CPQ: variants seen among roughly 807,000 people sequenced by gnomAD.
The protein encoded by CPQ is carboxypeptidase Q.
Under a neutral mutation model 45.7 loss-of-function variants are expected in CPQ, and 37 were observed. The ratio of observed to expected loss-of-function variants is 0.81; its 90% CI spans 0.62 to 1.07. The LOEUF is 1.07. Among genes scored for constraint, CPQ ranks in the 50% least tolerant of loss-of-function variants. The probability of loss-of-function intolerance (pLI) is 0.00; values close to 1 mark genes in which losing one functional copy is unlikely to be tolerated. For synonymous variants in CPQ, 186 were observed against 205.8 expected, an observed-to-expected ratio of 0.90 and a Z score of 0.82; for missense variants, 537 against 572.9, an observed-to-expected ratio of 0.94 and a Z score of 0.64.
At chr8:96,854,623 C>A (rs1811822020) in intron 3 of CPQ, among the ~76,000 whole-genome samples, 1 of 148,828 alleles carries the variant, frequency 6.7e-6, no homozygotes, top group Non-Finnish European at 1.5e-5. Flanking sequence ...TATATTCATC[C>A]AATAGGGTGT....
intron 7 of CPQ, among the ~76,000 whole-genome samples, chr8:97,093,900 C>T (rs1811168547): frequency 6.6e-6 from 1 of 152,086 alleles, no homozygotes; most frequent in Non-Finnish European, 1.5e-5. Context: ...AATGGAAATA[C>T]TAAAATCTGT....
intron 1 of CPQ, among the ~76,000 whole-genome samples, chr8:96,749,072 T>C (rs1171885318): frequency 6.6e-6 from 1 of 152,212 alleles, no homozygotes. Flanking sequence ...ATTATAATAA[T>C]AATGATTATT....
rs1301329660 is a variant in CPQ at position 97,066,431 on chromosome 8, A to C, written c.1255+221A>C. Among the ~76,000 whole-genome samples the C allele has an allele frequency of 2.0e-5, 3 of 152,110 alleles. No homozygotes were observed. The East Asian group carries it at 5.8e-4, about 29-fold the overall frequency. ...ATCCCTCCACTCTTTCTAAATTATA[A>C]GCTCCTCACTCCCAGAGATTCTGAT... On this transcript the variant is annotated intron_variant, in intron 7 of 7. Transcript: ENST00000220763.
chr8:96,827,527 G>C, intron 2 of CPQ, among the ~76,000 whole-genome samples: 1 of 152,120 alleles, frequency 6.6e-6, no homozygotes, highest in East Asian at 1.9e-4. Context: ...TTTTATTCCT[G>C]GTAATTTGGC....
chr8:96,920,101 T>A (rs1812786639), intron 4 of CPQ, among the ~76,000 whole-genome samples: 1 of 152,210 alleles, frequency 6.6e-6, no homozygotes, highest in Admixed American at 6.5e-5. Context: ...AAGTGTTACC[T>A]TCATTTGTTA....
chr8:96,931,497 C>T (rs1195189172), intron 4 of CPQ, among the ~76,000 whole-genome samples: 5 of 152,232 alleles, frequency 3.3e-5, no homozygotes, highest in African/African-American at 7.2e-5. Flanking sequence ...GGAATGCTCA[C>T]GCTCCTGGGC....
At chr8:97,049,111 C>T (rs966525857) in intron 6 of CPQ, among the ~76,000 whole-genome samples, 2 of 152,154 alleles carry the variant, frequency 1.3e-5, no homozygotes, top group African/African-American at 4.8e-5. Context: ...ATGGAAGTGA[C>T]ATGAGTGAAG....
intron 4 of CPQ, among the ~76,000 whole-genome samples, chr8:96,935,275 C>T (rs1321162675): frequency 6.6e-6 from 1 of 152,158 alleles, no homozygotes; most frequent in African/African-American, 2.4e-5. Flanking sequence ...TATATCCTAC[C>T]ATCTTGGCAT....
chr8:96,898,773 T>C, intron 4 of CPQ, among the ~76,000 whole-genome samples: 1 of 29,624 alleles, frequency 3.4e-5, no homozygotes, highest in East Asian at 1.1e-3. Flanking sequence ...ACTTAGGGTA[T>C]AATAAAAAAA....
chr8:96,989,032 T>C (rs1030054300), intron 5 of CPQ, among the ~76,000 whole-genome samples: 1 of 152,198 alleles, frequency 6.6e-6, no homozygotes, highest in Non-Finnish European at 1.5e-5. Flanking sequence ...TTATCTGCAG[T>C]GTGAGTGATG....
At chr8:96,721,302 A>G (rs183918914) in intron 1 of CPQ, among the ~76,000 whole-genome samples, 2 of 152,074 alleles carry the variant, frequency 1.3e-5, no homozygotes, top group East Asian at 3.9e-4. Context: ...TCCTGGCACA[A>G]AGAGATGGGA....
intron 1 of CPQ, among the ~76,000 whole-genome samples, chr8:96,647,241 C>T (rs891358067): frequency 2.0e-5 from 3 of 152,112 alleles, no homozygotes; most frequent in Non-Finnish European, 4.4e-5. Flanking sequence ...ATTAATGTTA[C>T]CTACTTCAGT....
Position 96,737,508 on chromosome 8 carries a change from T to A in CPQ, c.-34-47356T>A, listed in dbSNP as rs192358112. The stretch of plus-strand genomic sequence containing the variant: ...TGTTTGAGGGCAGGAAGCATCCAGC[T>A]CGAGAAAAAGATGTAGGCTGGGAGA... On this transcript the variant is annotated intron_variant, in intron 1 of 7. Coordinates refer to ENST00000220763, the MANE Select transcript of CPQ (RefSeq NM_016134.4). 4.7e-3 allele frequency among the ~76,000 whole-genome samples: 716 copies of A among 151,962 alleles called. 11 individuals carry two copies. Among genetic ancestry groups the A allele is most frequent in the African/African-American group, 0.012 (504 of 41,424 alleles).
rs114812158 is a variant in CPQ at position 96,888,639 on chromosome 8, G to T, written c.849+8634G>T. On this transcript the variant is annotated intron_variant, in intron 4 of 7. Transcript: ENST00000220763. ...CTTTCCTATTCAAAAAGTTAAACAG[G>T]CTCCCTTTTTCTGTGGTACTTCTTA... 5.4e-3 allele frequency among the ~76,000 whole-genome samples: 818 copies of T among 152,218 alleles called. 4 individuals are homozygous for T. The highest frequency in any genetic ancestry group is 0.016 in the African/African-American group (665 of 41,550).
chr8:96,985,783 G>C (rs1466930206), intron 5 of CPQ, among the ~76,000 whole-genome samples: 1 of 152,118 alleles, frequency 6.6e-6, no homozygotes, highest in African/African-American at 2.4e-5. Flanking sequence ...TGTATCTCCA[G>C]ATTTTGCTTA....
At chr8:96,891,862 C>A (rs965159192) in intron 4 of CPQ, among the ~76,000 whole-genome samples, 3 of 152,120 alleles carry the variant, frequency 2.0e-5, no homozygotes, top group Admixed American at 6.5e-5. Context: ...TTGAGGGCAA[C>A]CGTCCTGGTC....
chr8:96,732,719 G>T (rs889472535), intron 1 of CPQ, among the ~76,000 whole-genome samples: 1 of 151,904 alleles, frequency 6.6e-6, no homozygotes, highest in African/African-American at 2.4e-5. Context: ...GGCCACATTG[G>T]GATACTGTCT....
chr8:96,800,092 A>C (rs1258577175), intron 2 of CPQ, among the ~76,000 whole-genome samples: 1 of 152,192 alleles, frequency 6.6e-6, no homozygotes, highest in Non-Finnish European at 1.5e-5. Context: ...AAATGAGAGA[A>C]GATATTAGCA....
At chr8:96,937,874 G>T (rs1813074692) in intron 4 of CPQ, among the ~76,000 whole-genome samples, 1 of 152,208 alleles carries the variant, frequency 6.6e-6, no homozygotes, top group Non-Finnish European at 1.5e-5. Context: ...CTCCTATCAT[G>T]CTGTGCTAGT....
Sources: gnomAD v4.1 joint callset for allele counts (sites outside exome capture counted in the v4.1 genomes callset) on GRCh38, gnomAD v4.1.1 for gene constraint, MANE v1.5 for transcripts, NCBI Gene and HGNC (gene_info 2026-07-23, HGNC 2026-07-21) for gene names.